MAML3: variants seen among roughly 807,000 people sequenced by gnomAD.
MAML3 encodes mastermind-like protein 3.
Under a neutral mutation model 101.9 loss-of-function variants are expected in MAML3, and 27 were observed. The ratio of observed to expected loss-of-function variants is 0.27; its 90% CI spans 0.20 to 0.37. The LOEUF is 0.37. MAML3 is among the 10% of genes least tolerant of loss of function. MAML3 has a pLI of 1.00. For missense variants in MAML3, 1,316 were observed against 1,444.9 expected, an observed-to-expected ratio of 0.91 and a Z score of 1.45; for synonymous variants, 501 against 555.9, an observed-to-expected ratio of 0.90 and a Z score of 1.39.
At chr4:139,903,999 T>C (rs147560681) in intron 1 of MAML3, among the ~76,000 whole-genome samples, 11 of 152,292 alleles carry the variant, frequency 7.2e-5, no homozygotes, top group Non-Finnish European at 1.5e-4. Context: ...TTCCAGCCCT[T>C]TGGGAGGCAA....
chr4:139,838,851 T>C (rs1334866100), intron 2 of MAML3, among the ~76,000 whole-genome samples: 1 of 152,198 alleles, frequency 6.6e-6, no homozygotes, highest in Non-Finnish European at 1.5e-5. Context: ...GGTGTCCTCC[T>C]CCCTTCCCTT....
At chr4:140,064,207 T>G (rs1012697441) in intron 1 of MAML3, among the ~76,000 whole-genome samples, 6 of 152,216 alleles carry the variant, frequency 3.9e-5, no homozygotes, top group Admixed American at 3.3e-4. Flanking sequence ...CCCCTTTGAT[T>G]TGGTTCTTTG....
intron 1 of MAML3, among the ~76,000 whole-genome samples, chr4:140,085,588 T>C (rs1359552099): frequency 6.6e-6 from 1 of 152,184 alleles, no homozygotes; most frequent in Non-Finnish European, 1.5e-5. Flanking sequence ...TGCAAACCTC[T>C]TAGAAGGGTC....
intron 2 of MAML3, among the ~76,000 whole-genome samples, chr4:139,854,390 T>C (rs1731618537): frequency 6.7e-6 from 1 of 150,322 alleles, no homozygotes; most frequent in African/African-American, 2.5e-5. Flanking sequence ...GCTATAAACC[T>C]AATCTTGTGG....
In MAML3 at chr4:139,890,992, T is replaced by A; in HGVS notation, c.469-25A>T. 6.3e-7 allele frequency: 1 copy of A among 1,596,942 alleles called. No homozygotes were observed. Among genetic ancestry groups the A allele is most frequent in the Non-Finnish European group, 8.5e-7 (1 of 1,170,378 alleles). On this transcript the variant is annotated intron_variant, in intron 1 of 4. Transcript: ENST00000509479. The surrounding 1 kb of genome is among the most constrained non-coding windows in gnomAD (Gnocchi z 4.1). ...GCTGGAAAAGAAACAGGAAAGAGGA[T>A]GACTAAACCTCCAAGTCATATTTTA...
chr4:139,865,495 T>G (rs12511570), intron 2 of MAML3, among the ~76,000 whole-genome samples: 40,957 of 95,304 alleles, frequency 0.43, 7,125 homozygotes, highest in Non-Finnish European at 0.48. Flanking sequence ...GTTTTTTTTT[T>G]GTTTTTTTTT....
chr4:139,917,121 C>G (rs1346598263), intron 1 of MAML3, among the ~76,000 whole-genome samples: 1 of 152,138 alleles, frequency 6.6e-6, no homozygotes, highest in Non-Finnish European at 1.5e-5. Context: ...TTCTCAGATT[C>G]TCAGTGCGGC....
intron 1 of MAML3, among the ~76,000 whole-genome samples, chr4:140,012,378 T>C (rs1726577317): frequency 6.6e-6 from 1 of 152,214 alleles, no homozygotes; most frequent in African/African-American, 2.4e-5. Context: ...AAGATCTCTG[T>C]TGTCTCAGCA....
At chr4:139,907,263 C>T (rs2111219217) in intron 1 of MAML3, among the ~76,000 whole-genome samples, 1 of 152,262 alleles carries the variant, frequency 6.6e-6, no homozygotes, top group African/African-American at 2.4e-5. Flanking sequence ...CTTTCCAGAC[C>T]TCTGTTTCCT....
intron 1 of MAML3, among the ~76,000 whole-genome samples, chr4:140,055,936 G>C (rs1727342037): frequency 6.6e-6 from 1 of 152,076 alleles, no homozygotes; most frequent in Admixed American, 6.6e-5. Context: ...CCTAGAAATG[G>C]AGAACTGATG....
rs190438156 is a variant in MAML3, at chr4:139,723,491, T to A, written c.2416+2260A>T. 1.6e-3 allele frequency among the ~76,000 whole-genome samples: 248 copies of A among 152,248 alleles called. 1 individual carries two copies. The highest frequency in any genetic ancestry group is 3.4e-3 in the Middle Eastern group (1 of 294). On this transcript the variant is annotated intron_variant, in intron 4 of 4. Coordinates refer to ENST00000509479, the MANE Select transcript of MAML3 (RefSeq NM_018717.5). Reference sequence around the variant, plus strand: ...ATGCCTGGCTAATTTTTTGTATTTTTAGTAGAGACGGGGTTTCTCCATGTT... The same window carrying A: ...ATGCCTGGCTAATTTTTTGTATTTTAAGTAGAGACGGGGTTTCTCCATGTT...
At chr4:139,815,271 A>C (rs1431036334) in intron 2 of MAML3, among the ~76,000 whole-genome samples, 2 of 152,222 alleles carry the variant, frequency 1.3e-5, no homozygotes, top group African/African-American at 4.8e-5. Context: ...TGCTAAAAGA[A>C]ACTGTTTTCA....
At chr4:139,962,124 G>GTT (rs398064093) in intron 1 of MAML3, among the ~76,000 whole-genome samples, 4 of 144,326 alleles carry the variant, frequency 2.8e-5, no homozygotes, top group African/African-American at 5.1e-5. Context: ...TCCTGTTTTT[G>GTT]TTTTTTTTTT....
intron 4 of MAML3, among the ~76,000 whole-genome samples, chr4:139,721,459 C>G (rs1315449004): frequency 2.6e-5 from 4 of 152,182 alleles, no homozygotes; most frequent in Non-Finnish European, 4.4e-5. Flanking sequence ...AGTCAATATT[C>G]TAAGCAAATT....
intron 2 of MAML3, among the ~76,000 whole-genome samples, chr4:139,874,867 G>A (rs1316154641): frequency 6.8e-6 from 1 of 147,774 alleles, no homozygotes; most frequent in South Asian, 2.1e-4. Context: ...GCAGTGGCGC[G>A]ATCTCAGCTC....
chr4:139,821,170 TA>T (rs1730965840), intron 2 of MAML3, among the ~76,000 whole-genome samples: 1 of 152,186 alleles, frequency 6.6e-6, no homozygotes, highest in Non-Finnish European at 1.5e-5. Flanking sequence ...TCAAATTAAT[TA>T]GATGAACTGT....
At chr4:139,971,427 T>C (rs1195394512) in intron 1 of MAML3, among the ~76,000 whole-genome samples, 2 of 152,220 alleles carry the variant, frequency 1.3e-5, no homozygotes, top group Non-Finnish European at 2.9e-5. Flanking sequence ...GATATTGGTA[T>C]CTGAATGAAC....
intron 1 of MAML3, among the ~76,000 whole-genome samples, chr4:139,951,307 G>C (rs570887964): frequency 3.9e-5 from 6 of 152,326 alleles, no homozygotes; most frequent in African/African-American, 1.4e-4. Flanking sequence ...CAGCAATTTT[G>C]AATGTGCTGA....
At chr4:140,125,666 C>A (rs967962227) in intron 1 of MAML3, among the ~76,000 whole-genome samples, 3 of 152,128 alleles carry the variant, frequency 2.0e-5, no homozygotes, top group African/African-American at 2.4e-5. Flanking sequence ...CTATGTAGCC[C>A]AGGCTGGTCT....
Sources: allele counts gnomAD v4.1 joint callset (sites outside exome capture counted in the v4.1 genomes callset), GRCh38; gene constraint gnomAD v4.1.1; non-coding constraint Gnocchi (gnomAD v3.1); transcripts MANE v1.5; gene names NCBI Gene and HGNC (gene_info 2026-07-23, HGNC 2026-07-21).